The following CACNA2D4 variants were observed in gnomAD, a reference collection of about 807,000 sequenced individuals.
CACNA2D4 encodes the protein calcium voltage-gated channel auxiliary subunit alpha2delta 4.
CACNA2D4 carries 157 observed loss-of-function variants against 163.8 expected under a neutral mutation model. The observed-to-expected ratio is 0.96, with a 90% confidence interval of 0.84 to 1.09. CACNA2D4 has a LOEUF of 1.09. Ranked by LOEUF, CACNA2D4 falls within the 50% of genes least tolerant of loss-of-function variation. The pLI is 0.00. For synonymous variants in CACNA2D4, 598 were observed against 586.9 expected, an observed-to-expected ratio of 1.02 and a Z score of -0.27; for missense variants, 1,410 against 1,479.9, an observed-to-expected ratio of 0.95 and a Z score of 0.78.
chr12:1,796,423 G>A (rs1408645208), intron 35 of CACNA2D4, among the ~76,000 whole-genome samples: 1 of 152,258 alleles, frequency 6.6e-6, no homozygotes, highest in East Asian at 1.9e-4. Context: ...TTGCAGATGA[G>A]AGAATGGAGA....
At chr12:1,804,034 T>C (rs1342021916) in intron 29 of CACNA2D4, among the ~76,000 whole-genome samples, 1 of 152,180 alleles carries the variant, frequency 6.6e-6, no homozygotes, top group Non-Finnish European at 1.5e-5. Flanking sequence ...CTGCCTGTTC[T>C]TCACGGCGCA....
chr12:1,884,007 A>G, intron 12 of CACNA2D4: 1 of 515,816 alleles, frequency 1.9e-6, no homozygotes, highest in East Asian at 2.9e-5. Context: ...GCAGAACCAG[A>G]GTCCATGGCT....
Position 1,797,550 on chromosome 12 carries a change from A to T in CACNA2D4, c.2996-15T>A, listed in dbSNP as rs1437955782. On this transcript the variant is annotated splice_polypyrimidine_tract_variant and intron_variant, in intron 34 of 37. Coordinates refer to ENST00000382722, the MANE Select transcript of CACNA2D4 (RefSeq NM_172364.5). Reference sequence around the variant, plus strand: ...GTGTTTGTGGGCTGCGGGCGGAGAAAGGACATCACGCCACCGAAGGGGCCT... The same window carrying T: ...GTGTTTGTGGGCTGCGGGCGGAGAATGGACATCACGCCACCGAAGGGGCCT... 1 of 1,544,868 alleles carries T rather than the reference A, an allele frequency of 6.5e-7. No individual in the cohort carries two copies.
intron 4 of CACNA2D4, 120 bp from the exon 5 acceptor site, chr12:1,908,157 C>T: frequency 1.9e-6 from 2 of 1,049,140 alleles, no homozygotes; most frequent in Non-Finnish European, 2.8e-6. Context: ...CCATCAGAGT[C>T]TACACAAGCA....
intron 26 of CACNA2D4, chr12:1,827,885 C>T (rs1565691812): frequency 1.0e-5 from 4 of 389,626 alleles, no homozygotes; most frequent in Non-Finnish European, 1.8e-5. Context: ...AAAGCCGAAG[C>T]CTGCCCCGCC....
chr12:1,797,380 A>T (rs1863162085), intron 35 of CACNA2D4, 38 bp downstream of exon 35: 3 of 1,397,810 alleles, frequency 2.1e-6, no homozygotes, highest in Admixed American at 2.0e-5. Flanking sequence ...GGGCGGGAGG[A>T]GTGTGGCGGG....
intron 18 of CACNA2D4, among the ~76,000 whole-genome samples, chr12:1,871,755 ATGTACATGTG>A (rs1406771528): frequency 6.6e-6 from 1 of 151,950 alleles, no homozygotes; most frequent in Non-Finnish European, 1.5e-5. Flanking sequence ...CTGCTGGTAT[ATGTACATGTG>A]TGCTGCTGCT....
rs1032842049 is a variant in CACNA2D4 at position 1,843,419 on chromosome 12, G to C, written c.2470+983C>G. 6.6e-6 allele frequency among the ~76,000 whole-genome samples: 1 copy of C among 152,202 alleles called. No individual in the cohort carries two copies. Among genetic ancestry groups the C allele is most frequent in the Non-Finnish European group, 1.5e-5 (1 of 68,016 alleles). On this transcript the variant is annotated intron_variant, in intron 25 of 37. Transcript: ENST00000382722. The surrounding 1 kb of genome is among the most constrained non-coding windows in gnomAD (Gnocchi z 4.6). ...GGAAGTTCTGAGTGACCCCAGCCCTGACTTTCCTTTTAGAAGTCTCCACAC... is the reference window on the plus strand; with the variant it reads ...GGAAGTTCTGAGTGACCCCAGCCCTCACTTTCCTTTTAGAAGTCTCCACAC...
At chr12:1,914,152 G>A (rs1162671471) in intron 2 of CACNA2D4, among the ~76,000 whole-genome samples, 1 of 152,336 alleles carries the variant, frequency 6.6e-6, no homozygotes, top group South Asian at 2.1e-4. Context: ...ATAAGAGCCT[G>A]GGATTCAGGA....
At chr12:1,794,330 C>T (rs10773997) in intron 37 of CACNA2D4, among the ~76,000 whole-genome samples, 64,288 of 151,600 alleles carry the variant, frequency 0.42, 16,052 homozygotes, top group Non-Finnish European at 0.56. Context: ...CTCTGCTGTG[C>T]TTTCACACCA....
intron 6 of CACNA2D4, among the ~76,000 whole-genome samples, chr12:1,896,650 C>CAAA (rs1330603814): frequency 8.6e-6 from 1 of 116,156 alleles, no homozygotes; most frequent in African/African-American, 3.2e-5. Context: ...CACACACACA[C>CAAA]ACACAAAACA....
At position 1,816,601 on chromosome 12, in the gene CACNA2D4, C is replaced by T. The variant is rs945402252; in HGVS notation, c.2552-4878G>A. On this transcript the variant is annotated intron_variant, in intron 26 of 37. Coordinates refer to ENST00000382722, the MANE Select transcript of CACNA2D4 (RefSeq NM_172364.5). ...TTCCTGTAAGATCGCAGCTCAGCTC[C>T]GCTGGCAGACAACCTAACAAAGAGC... Among the ~76,000 whole-genome samples the T allele has an allele frequency of 6.6e-5, 10 of 152,198 alleles. 1 individual carries two copies. The highest frequency in any genetic ancestry group is 5.9e-4 in the Admixed American group (9 of 15,294).
intron 6 of CACNA2D4, among the ~76,000 whole-genome samples, chr12:1,896,905 C>T (rs1052986599): frequency 6.6e-6 from 1 of 152,134 alleles, no homozygotes; most frequent in African/African-American, 2.4e-5. Context: ...ATCTAAGTGT[C>T]CATCAAAAGA....
chr12:1,834,847 A>G lies in CACNA2D4; in HGVS notation c.2551+5892T>C, dbSNP rs1299550857. Reference sequence around the variant, plus strand: ...GAGTCCACCCTCCTCCCCGCCCTCCAGCAGACAAGCCACACCGGGTTCTCT... The same window carrying G: ...GAGTCCACCCTCCTCCCCGCCCTCCGGCAGACAAGCCACACCGGGTTCTCT... On this transcript the variant is annotated intron_variant, in intron 26 of 37. Transcript: ENST00000382722. The surrounding 1 kb of genome is among the most constrained non-coding windows in gnomAD (Gnocchi z 7.6). 1.4e-6 allele frequency: 2 copies of G among 1,428,620 alleles called. No homozygotes were observed. Among genetic ancestry groups the G allele is most frequent in the East Asian group, 5.0e-5 (2 of 39,774 alleles). 88.5% of individuals were successfully genotyped at this position (1,428,620 alleles called of 1,614,324 possible). A position where few individuals can be genotyped will look rare whatever the true frequency, so the allele number is the denominator to read the frequency against.
rs1041037223 is a variant in CACNA2D4 at position 1,843,282 on chromosome 12, G to T, written c.2470+1120C>A. Among the ~76,000 whole-genome samples the T allele has an allele frequency of 3.9e-5, 6 of 152,080 alleles. No homozygotes were observed. The highest frequency in any genetic ancestry group is 7.4e-5 in the Non-Finnish European group (5 of 68,024). ...TGTCCTGGTCCCAGGAGGATCCCCG[G>T]GATCCTGGGCCTCCCCAGCCATCAG... is the stretch of plus-strand genomic sequence containing the variant. On this transcript the variant is annotated intron_variant, in intron 25 of 37. Transcript: ENST00000382722. This position sits in a 1 kb window ranked among gnomAD's most constrained non-coding sequence, Gnocchi z 4.6.
chr12:1,912,166 C>T (rs1565742772), intron 3 of CACNA2D4, among the ~76,000 whole-genome samples: 2 of 152,182 alleles, frequency 1.3e-5, no homozygotes, highest in African/African-American at 4.8e-5. Flanking sequence ...GCTGCTTGGC[C>T]CTGGCCTCAG....
At chr12:1,876,565 C>G (rs1300787094) in intron 16 of CACNA2D4, among the ~76,000 whole-genome samples, 2 of 152,246 alleles carry the variant, frequency 1.3e-5, no homozygotes, top group Non-Finnish European at 2.9e-5. Flanking sequence ...GATGCCTGGA[C>G]AGCTCCGGTC....
chr12:1,823,053 C>T (rs1864173376), intron 26 of CACNA2D4, among the ~76,000 whole-genome samples: 2 of 152,318 alleles, frequency 1.3e-5, no homozygotes, highest in East Asian at 1.9e-4. Context: ...GCCCCCTTTA[C>T]CCCTGAGTTC....
intron 26 of CACNA2D4, chr12:1,831,151 A>C: frequency 6.2e-7 from 1 of 1,614,046 alleles, no homozygotes; most frequent in Non-Finnish European, 8.5e-7. Flanking sequence ...TCCAGCCTGC[A>C]GCGGTTGGAC....
Sources: allele counts gnomAD v4.1 joint callset (sites outside exome capture counted in the v4.1 genomes callset), GRCh38; gene constraint gnomAD v4.1.1; non-coding constraint Gnocchi (gnomAD v3.1); transcripts MANE v1.5; gene names NCBI Gene and HGNC (gene_info 2026-07-23, HGNC 2026-07-21).